PELI1: variants seen among roughly 807,000 people sequenced by gnomAD.
PELI1 encodes the protein E3 ubiquitin-protein ligase pellino homolog 1.
In PELI1, 15 loss-of-function variants were observed where a neutral mutation model predicts 41.3. That is an observed-to-expected ratio of 0.36 (90% CI 0.24 to 0.56). PELI1 has a LOEUF of 0.56. PELI1 is among the 20% of genes least tolerant of loss of function. The pLI, the probability that PELI1 is intolerant of heterozygous loss-of-function variation, is 0.82. For synonymous variants in PELI1, 178 were observed against 180.1 expected, an observed-to-expected ratio of 0.99 and a Z score of 0.09; for missense variants, 403 against 525.5, an observed-to-expected ratio of 0.77 and a Z score of 2.28.
rs576110786 is a variant in PELI1, at chr2:64,105,837, T to C, written c.72-1007A>G. 8.5e-5 allele frequency among the ~76,000 whole-genome samples: 13 copies of C among 152,226 alleles called. No homozygotes were observed. The East Asian group carries it at 2.5e-3, about 29-fold the overall frequency. ...CTGACAAATCTTGGGTTTGATGATC[T>C]ACCATATGTAGTTGGTCAATCTAGG... On this transcript the variant is annotated intron_variant, in intron 2 of 6. Transcript: ENST00000358912.
intron 1 of PELI1, 110 bp from the exon 2 acceptor site, chr2:64,108,489 G>A (rs2103690737): frequency 7.8e-6 from 4 of 510,816 alleles, no homozygotes; most frequent in South Asian, 6.0e-5. Context: ...ACCATCACAA[G>A]GTATATACAT....
intron 1 of PELI1, among the ~76,000 whole-genome samples, chr2:64,140,812 A>AAAAAC (rs1681885754): frequency 1.3e-5 from 2 of 148,452 alleles, no homozygotes; most frequent in Non-Finnish European, 3.0e-5. Flanking sequence ...AACAAACAAA[A>AAAAAC]AAAAACCTAG....
In PELI1 at chr2:64,141,950, A is replaced by G. The variant is rs79360776; in HGVS notation, c.-70+2131T>C. Among the ~76,000 whole-genome samples the G allele has an allele frequency of 4.0e-3, 610 of 152,306 alleles. 3 individuals are homozygous for G. Among genetic ancestry groups the G allele is most frequent in the African/African-American group, 0.014 (584 of 41,568 alleles). ...CTGGTAAATCTGGCTTGAAAATACC[A>G]CAGAAAAAGTTCAACATAACCAACT... On this transcript the variant is annotated intron_variant, in intron 1 of 6. Coordinates refer to ENST00000358912, the MANE Select transcript of PELI1 (RefSeq NM_020651.4).
chr2:64,122,843 A>C (rs1228446974), intron 1 of PELI1, among the ~76,000 whole-genome samples: 1 of 152,226 alleles, frequency 6.6e-6, no homozygotes, highest in Non-Finnish European at 1.5e-5. Context: ...TTACTGTATT[A>C]TATAATTACA....
In PELI1 at chr2:64,144,079, A is replaced by T. The variant is rs572677295; in HGVS notation, c.-70+2T>A. ...CCCGCGGCGCCCCGCGGTCACACTT[A>T]CCGGACAATTGCTGGTGGCCGGGAT... On this transcript the variant is annotated splice_donor_variant, in intron 1 of 6. Coordinates refer to ENST00000358912, the MANE Select transcript of PELI1 (RefSeq NM_020651.4). LOFTEE classifies it low-confidence loss of function (5UTR_SPLICE). The T allele has an allele frequency of 6.6e-6, 1 of 150,944 alleles. No homozygotes were observed. Among genetic ancestry groups the T allele is most frequent in the South Asian group, 2.1e-4 (1 of 4,792 alleles). 9.4% of individuals were successfully genotyped at this position (150,944 alleles called of 1,614,324 possible).
chr2:64,096,888 T>A (rs1680257615), intron 4 of PELI1, among the ~76,000 whole-genome samples: 1 of 152,226 alleles, frequency 6.6e-6, no homozygotes, highest in East Asian at 1.9e-4. Context: ...GATTTCTAGA[T>A]GGCTGCAGAT....
intron 3 of PELI1, among the ~76,000 whole-genome samples, chr2:64,101,639 A>T (rs1345149023): frequency 6.6e-6 from 1 of 152,200 alleles, no homozygotes; most frequent in African/African-American, 2.4e-5. Context: ...TTGGCATCAT[A>T]AGCTTTTACT....
At chr2:64,107,064 G>C (rs1282340462) in intron 2 of PELI1, among the ~76,000 whole-genome samples, 1 of 152,092 alleles carries the variant, frequency 6.6e-6, no homozygotes, top group African/African-American at 2.4e-5. Flanking sequence ...AAGTAGCTGG[G>C]ATTACAGACA....
chr2:64,127,122 T>TAAC (rs1681415838), intron 1 of PELI1, among the ~76,000 whole-genome samples: 1 of 152,212 alleles, frequency 6.6e-6, no homozygotes, highest in Admixed American at 6.5e-5. Context: ...AAGATTCCCT[T>TAAC]AACGCCTATT....
chr2:64,099,139 T>C (rs1680337376), intron 4 of PELI1, among the ~76,000 whole-genome samples: 1 of 151,400 alleles, frequency 6.6e-6, no homozygotes, highest in Non-Finnish European at 1.5e-5. Context: ...GCTAAAATTC[T>C]AGCCTGTGAC....
chr2:64,109,096 G>A (rs546968529), intron 1 of PELI1, among the ~76,000 whole-genome samples: 41 of 152,210 alleles, frequency 2.7e-4, no homozygotes, highest in East Asian at 5.8e-4. Flanking sequence ...CCTGATGGCC[G>A]GGCATGCCCC....
chr2:64,095,016 G>A lies in PELI1; in HGVS notation c.943C>T (p.His315Tyr). 6.2e-7 allele frequency: 1 copy of A among 1,614,178 alleles called. No individual in the cohort carries two copies. The highest frequency in any genetic ancestry group is 8.5e-7 in the Non-Finnish European group (1 of 1,180,012). The change falls in exon 7 of 7, where the codon CAT becomes TAT. Residue 315 changes from histidine (H) to tyrosine (Y), a missense_variant. Physicochemically the swap from His to Tyr is moderately conservative, Grantham distance 83. Transcript: ENST00000358912. The stretch of plus-strand genomic sequence containing the variant: ...TTGTTTCCCCAGTTATGATAGCCAT[G>A]TACATGGCCGCAGTTTAGATATACC... ...PWVYLNCGHV[H>Y]GYHNWGNKEE...
Position 64,096,498 on chromosome 2 carries a change from C to T in PELI1, c.416G>A (p.Cys139Tyr). 6.2e-7 allele frequency: 1 copy of T among 1,612,660 alleles called. No homozygotes were observed. The highest frequency in any genetic ancestry group is 8.5e-7 in the Non-Finnish European group (1 of 1,178,706). ...SVQSTISRFA[C>Y]RIICERNPPF... is the part of the protein sequence containing the mutation. ...AGGATTCCGTTCACATATGATTCTG[C>T]AGGCAAATCTTGATATAGTGCTTTG... The change falls in exon 5 of 7, where the codon TGC becomes TAC. Residue 139 changes from cysteine (C) to tyrosine (Y), a missense_variant. Transcript: ENST00000358912.
intron 1 of PELI1, among the ~76,000 whole-genome samples, chr2:64,115,381 G>C (rs1680959388): frequency 6.6e-6 from 1 of 152,166 alleles, no homozygotes; most frequent in South Asian, 2.1e-4. Context: ...GTGTCAATTT[G>C]AATCAACCTT....
intron 1 of PELI1, among the ~76,000 whole-genome samples, chr2:64,112,005 A>G (rs1018835700): frequency 1.1e-4 from 16 of 152,262 alleles, no homozygotes; most frequent in Middle Eastern, 3.4e-3. Context: ...TTTTAAATTA[A>G]ATTTTAATAA....
intron 1 of PELI1, among the ~76,000 whole-genome samples, chr2:64,133,539 G>A (rs1681625700): frequency 6.6e-6 from 1 of 152,084 alleles, no homozygotes; most frequent in Admixed American, 6.5e-5. Context: ...GCTACTAGCT[G>A]TATCTGCCAT....
chr2:64,127,613 G>A (rs1681431980), intron 1 of PELI1, among the ~76,000 whole-genome samples: 1 of 152,154 alleles, frequency 6.6e-6, no homozygotes, highest in African/African-American at 2.4e-5. Flanking sequence ...CTTTTGTTAT[G>A]TTAAAAATAT....
chr2:64,118,269 T>C (rs1681070335), intron 1 of PELI1, among the ~76,000 whole-genome samples: 2 of 152,176 alleles, frequency 1.3e-5, no homozygotes, highest in African/African-American at 4.8e-5. Context: ...ACATTAAAAA[T>C]ACCCCAATTA....
chr2:64,143,168 C>G (rs757311884), intron 1 of PELI1: 2 of 152,174 alleles, frequency 1.3e-5, no homozygotes, highest in Non-Finnish European at 2.9e-5. Context: ...TCTAACAGAC[C>G]TGCACGTACA....
Sources: gnomAD v4.1 joint callset for allele counts (sites outside exome capture counted in the v4.1 genomes callset) on GRCh38, gnomAD v4.1.1 for gene constraint, MANE v1.5 for transcripts, NCBI Gene and HGNC (gene_info 2026-07-23, HGNC 2026-07-21) for gene names.